Variants in KDM4B observed in about 807,000 individuals in gnomAD.
The protein encoded by KDM4B is lysine demethylase 4B, also known as lysine-specific demethylase 4B.
A neutral mutation model predicts 125.2 loss-of-function variants in KDM4B; 32 were observed. The observed-to-expected ratio is 0.26, with a 90% CI of 0.19 to 0.34. The LOEUF is 0.34. Among genes scored for constraint, KDM4B ranks in the 10% least tolerant of loss-of-function variants. KDM4B has a pLI of 1.00. For missense variants in KDM4B, 1,190 were observed against 1,577.7 expected (o/e 0.75, Z 4.16); for synonymous variants, 721 against 677.9 (o/e 1.06, Z -0.99).
rs117551005 is a variant in KDM4B at position 4,971,714 on chromosome 19, C to A, written c.-109+2484C>A. Among the ~76,000 whole-genome samples the A allele has an allele frequency of 2.0e-5, 3 of 152,246 alleles. No individual in the cohort carries two copies. Among genetic ancestry groups the A allele is most frequent in the Middle Eastern group, 3.4e-3 (1 of 294 alleles). ...ACAGCTGGAATGGTGGTGTGCAGTC[C>A]GCTGCCCTCGGGCCCAGCTCAGGGA... On this transcript the variant is annotated intron_variant, in intron 1 of 22. Transcript: ENST00000159111. The surrounding 1 kb of genome is among the most constrained non-coding windows in gnomAD (Gnocchi z 4.1).
rs554743175 is a variant in KDM4B at position 5,003,615 on chromosome 19, C to T, written c.-108-12642C>T. Among the ~76,000 whole-genome samples, 4 of 152,058 alleles carry T rather than the reference C, an allele frequency of 2.6e-5. No homozygotes were observed. In the South Asian group the frequency reaches 8.3e-4, roughly 32 times the overall value. ...CTAGAGGTCAGGAATTTGAGACCAG[C>T]CTGGCCAATATGGTGAAACCCCGTC... On this transcript the variant is annotated intron_variant, in intron 1 of 22. Transcript: ENST00000159111.
At chr19:5,050,988 C>T (rs2037203598) in intron 6 of KDM4B, among the ~76,000 whole-genome samples, 2 of 152,214 alleles carry the variant, frequency 1.3e-5, no homozygotes, top group Non-Finnish European at 2.9e-5. Context: ...AAGGCCGGTC[C>T]TGCGGCTGTT....
At chr19:5,027,899 C>T (rs2036331220) in intron 2 of KDM4B, among the ~76,000 whole-genome samples, 1 of 152,164 alleles carries the variant, frequency 6.6e-6, no homozygotes, top group Non-Finnish European at 1.5e-5. Flanking sequence ...CTCATTTGTT[C>T]ACCCATTTAA....
chr19:5,003,912 C>G (rs2035472185), intron 1 of KDM4B, among the ~76,000 whole-genome samples: 1 of 152,192 alleles, frequency 6.6e-6, no homozygotes, highest in Non-Finnish European at 1.5e-5. Flanking sequence ...CTCGTCTCTC[C>G]ACAGCAGGTC....
At position 5,090,437 on chromosome 19, in the gene KDM4B, C is replaced by G. The variant is rs1218122112; in HGVS notation, c.918+7933C>G. Reference sequence around the variant, plus strand: ...CTCTCCCCCTCTGTCTCTCTCTCCCCCATCTCTCTTCCCCCTCTCTCTCCG... The same window carrying G: ...CTCTCCCCCTCTGTCTCTCTCTCCCGCATCTCTCTTCCCCCTCTCTCTCCG... On this transcript the variant is annotated intron_variant, in intron 9 of 22. Coordinates refer to ENST00000159111, the MANE Select transcript of KDM4B (RefSeq NM_015015.3). Among the ~76,000 whole-genome samples, 16 of 75,512 alleles carry G rather than the reference C, an allele frequency of 2.1e-4. 1 individual carries two copies. In the South Asian group the frequency reaches 3.2e-3, roughly 15 times the overall value. The allele number at this position is 75,512 out of a possible 152,430, so 49.5% of individuals were successfully genotyped here.
chr19:5,084,491 T>TATA (rs1190087599), intron 9 of KDM4B, among the ~76,000 whole-genome samples: 3 of 131,292 alleles, frequency 2.3e-5, no homozygotes, highest in African/African-American at 2.9e-5. Context: ...TTATATATGT[T>TATA]ATAATTTATA....
At chr19:5,008,417 C>T (rs1225164349) in intron 1 of KDM4B, among the ~76,000 whole-genome samples, 1 of 152,058 alleles carries the variant, frequency 6.6e-6, no homozygotes, top group African/African-American at 2.4e-5. Context: ...ACTGTAGGTT[C>T]ATAACCGTGA....
chr19:5,036,800 C>T (rs1021673454), intron 3 of KDM4B, among the ~76,000 whole-genome samples: 3 of 152,238 alleles, frequency 2.0e-5, no homozygotes, highest in African/African-American at 7.2e-5. Flanking sequence ...TCTGGATTTG[C>T]GTCTCGGCAG....
intron 1 of KDM4B, among the ~76,000 whole-genome samples, chr19:4,980,768 C>CGG (rs1210971989): frequency 6.6e-6 from 1 of 152,160 alleles, no homozygotes; most frequent in African/African-American, 2.4e-5. Flanking sequence ...TTCCCCTGTG[C>CGG]GGGGGGTGTC....
chr19:5,045,936 G>A (rs929271471), intron 5 of KDM4B, among the ~76,000 whole-genome samples: 7 of 152,178 alleles, frequency 4.6e-5, no homozygotes, highest in African/African-American at 1.4e-4. Flanking sequence ...TAACCATGCT[G>A]TTTGTTTTCT....
At chr19:5,050,973 C>T (rs1288939051) in intron 6 of KDM4B, among the ~76,000 whole-genome samples, 1 of 152,174 alleles carries the variant, frequency 6.6e-6, no homozygotes, top group Non-Finnish European at 1.5e-5. Context: ...CCGAGCTGAC[C>T]CTCCAAGGCC....
rs544184708 is a variant in KDM4B, at chr19:4,997,872, G to A, written c.-108-18385G>A. ...GGCCCCAGGGCCAGGAGTGAGGGGC[G>A]GACGTGCCACTCTGCACTGCTGTCC... On this transcript the variant is annotated intron_variant, in intron 1 of 22. Transcript: ENST00000159111. The surrounding 1 kb of genome is among the most constrained non-coding windows in gnomAD (Gnocchi z 4.2). 3.3e-5 allele frequency among the ~76,000 whole-genome samples: 5 copies of A among 152,388 alleles called. No homozygotes were observed. The highest frequency in any genetic ancestry group is 1.9e-4 in the East Asian group (1 of 5,192).
intron 2 of KDM4B, among the ~76,000 whole-genome samples, chr19:5,021,640 T>G (rs2036124232): frequency 6.7e-6 from 1 of 148,152 alleles, no homozygotes; most frequent in Non-Finnish European, 1.5e-5. Flanking sequence ...GCACAGGTTT[T>G]TTTTTTTTTT....
chr19:5,060,144 A>G (rs1354843435), intron 6 of KDM4B, among the ~76,000 whole-genome samples: 1 of 152,204 alleles, frequency 6.6e-6, no homozygotes, highest in Non-Finnish European at 1.5e-5. Context: ...TGCTCTGGAC[A>G]AAAGGGAGCC....
rs940715890 is a variant in KDM4B, at chr19:5,144,963, G to A, written c.3021+61G>A. 19 of 1,605,952 alleles carry A rather than the reference G, an allele frequency of 1.2e-5. No homozygotes were observed. The Admixed American group carries it at 2.9e-4, about 25-fold the overall frequency. On this transcript the variant is annotated intron_variant, in intron 21 of 22. Transcript: ENST00000159111. ...ACCAAGCTCTTCTTGTAGGTGCGGG[G>A]ACAGGAGGATCACACCCCTGGCCCA...
chr19:5,110,808 C>T lies in KDM4B; in HGVS notation c.1105C>T (p.Leu369Phe), dbSNP rs1332206376. 2.5e-6 allele frequency: 4 copies of T among 1,583,692 alleles called. No homozygotes were observed. The highest frequency in any genetic ancestry group is 3.4e-6 in the Non-Finnish European group (4 of 1,165,980). Reference protein sequence around the residue: ...SASRASLKAKLLRRSHRKRSQ... With the variant: ...SASRASLKAKFLRRSHRKRSQ... ...ATCCCGGGCCTCGCTGAAGGCCAAG[C>T]TCCTCCGCAGGTGAGTTGCCAAGGG... The change falls in exon 10 of 23, where the codon CTC (leucine) becomes TTC (phenylalanine). Residue 369 changes from leucine (L) to phenylalanine (F), a missense_variant. Coordinates refer to ENST00000159111, the MANE Select transcript of KDM4B (RefSeq NM_015015.3).
intron 9 of KDM4B, among the ~76,000 whole-genome samples, chr19:5,089,709 A>G (rs916586170): frequency 1.9e-4 from 29 of 151,912 alleles, no homozygotes; most frequent in Non-Finnish European, 3.5e-4. Context: ...CTAAAAAAAA[A>G]AAAACCCACA....
intron 1 of KDM4B, among the ~76,000 whole-genome samples, chr19:4,989,072 G>A (rs1055475878): frequency 6.6e-6 from 1 of 152,248 alleles, no homozygotes; most frequent in Non-Finnish European, 1.5e-5. Flanking sequence ...CCGGTCCCTT[G>A]CCTCCGCTTC....
chr19:4,999,754 T>TATCCATCC (rs1031748371), intron 1 of KDM4B, among the ~76,000 whole-genome samples: 1 of 82,134 alleles, frequency 1.2e-5, no homozygotes. Flanking sequence ...TCTATCCATC[T>TATCCATCC]ATCCATCCAT....
Sources: gnomAD v4.1 joint callset for allele counts (sites outside exome capture counted in the v4.1 genomes callset) on GRCh38, gnomAD v4.1.1 for gene constraint, Gnocchi (gnomAD v3.1) non-coding constraint, MANE v1.5 for transcripts, NCBI Gene and HGNC (gene_info 2026-07-23, HGNC 2026-07-21) for gene names.